Variants in DHX30 observed in about 807,000 individuals in gnomAD.
DHX30 encodes DExH-box helicase 30.
A neutral mutation model predicts 116.9 loss-of-function variants in DHX30; 4 were observed. The ratio of observed to expected loss-of-function variants is 0.03; its 90% CI spans 0.02 to 0.08. DHX30 has a LOEUF of 0.08. DHX30 is among the 10% of genes least tolerant of loss of function. The pLI is 1.00. For missense variants in DHX30, 871 were observed against 1,595.1 expected (o/e 0.55, Z 7.73); for synonymous variants, 697 against 651.7 (o/e 1.07, Z -1.06).
Position 47,848,792 on chromosome 3 carries a change from T to C in DHX30, c.2744T>C (p.Leu915Pro). 6.2e-7 allele frequency: 1 copy of C among 1,613,724 alleles called. No homozygotes were observed. The highest frequency in any genetic ancestry group is 8.5e-7 in the Non-Finnish European group (1 of 1,179,650). The stretch of plus-strand genomic sequence containing the variant: ...ACCCGGGACCCCTTCAGCAGCAGCC[T>C]ACAGAACCGGGCAGAGGTGGACAAG... ...CLTRDPFSSS[L>P]QNRAEVDKVK... Residue 915 changes from leucine to proline, a missense_variant, in exon 17 of 22, where the codon CTA becomes CCA. Leu to Pro is a moderately conservative substitution (Grantham distance 98, BLOSUM62 -3). Coordinates refer to ENST00000445061, the MANE Select transcript of DHX30 (RefSeq NM_138615.3). This position sits in a 1 kb window ranked among gnomAD's most constrained non-coding sequence, Gnocchi z 9.4.
At chr3:47,825,625 A>G (rs1330986073) in intron 4 of DHX30, among the ~76,000 whole-genome samples, 1 of 152,212 alleles carries the variant, frequency 6.6e-6, no homozygotes, top group East Asian at 1.9e-4. Flanking sequence ...GATCTCAAAT[A>G]GAGACAGAAT....
rs2037728880 is a variant in DHX30 at position 47,848,637 on chromosome 3, G to A, written c.2589G>A (p.Gln863=). The change falls in exon 17 of 22, where the codon CAG becomes CAA. Residue 863 remains glutamine (Q), a synonymous_variant. Coordinates refer to ENST00000445061, the MANE Select transcript of DHX30 (RefSeq NM_138615.3). This position sits in a 1 kb window ranked among gnomAD's most constrained non-coding sequence, Gnocchi z 9.4. ...ILLQEIGVLD[Q]REYLTTLGQR... ...GAGCCGTTGCAGGGGTGCTGGACCA[G>A]CGGGAGTACCTGACTACCCTGGGGC... The A allele has an allele frequency of 8.1e-6, 13 of 1,614,090 alleles. No individual in the cohort carries two copies. Among genetic ancestry groups the A allele is most frequent in the Non-Finnish European group, 1.1e-5 (13 of 1,179,978 alleles).
At chr3:47,839,828 A>G (rs2037287251) in intron 6 of DHX30, among the ~76,000 whole-genome samples, 1 of 151,486 alleles carries the variant, frequency 6.6e-6, no homozygotes, top group Non-Finnish European at 1.5e-5. Context: ...GGTGCCCACC[A>G]CCACGCCCGG....
Position 47,805,053 on chromosome 3 carries a change from T to C in DHX30, c.-122-273T>C, listed in dbSNP as rs2035455514. On this transcript the variant is annotated intron_variant, in intron 1 of 21. Coordinates refer to ENST00000445061, the MANE Select transcript of DHX30 (RefSeq NM_138615.3). ...TGCTCTGGGCTTCCAGAAAATGCTT[T>C]TCAGGCTTACAAGGCTTTCTTTACC... Among the ~76,000 whole-genome samples, 3 of 152,360 alleles carry C rather than the reference T, an allele frequency of 2.0e-5. No individual in the cohort carries two copies. In the South Asian group the frequency reaches 6.2e-4, roughly 32 times the overall value.
At chr3:47,810,860 A>G (rs1249722613) in intron 3 of DHX30, 149 bp downstream of exon 3, 16 of 804,394 alleles carry the variant, frequency 2.0e-5, no homozygotes, top group East Asian at 1.8e-4. Context: ...TTCCTTTTGC[A>G]TGGTGCTTAG....
intron 4 of DHX30, among the ~76,000 whole-genome samples, chr3:47,823,357 G>GT (rs556494505): frequency 0.022 from 2,850 of 127,972 alleles, 48 homozygotes; most frequent in African/African-American, 0.044. Flanking sequence ...CCTGGTTGTT[G>GT]TTTTTTTTTT....
chr3:47,847,549 G>T lies in DHX30; in HGVS notation c.2110+13G>T. On this transcript the variant is annotated intron_variant, in intron 13 of 21. Transcript: ENST00000445061. The surrounding 1 kb of genome is among the most constrained non-coding windows in gnomAD (Gnocchi z 5.5). ...CTCATCCTGCCAGGTGAGAGCCCCG[G>T]CGGAGGGACCAGGGACCTTTGGAAA... 12 of 1,585,186 alleles carry T rather than the reference G, an allele frequency of 7.6e-6. No individual in the cohort carries two copies. Among genetic ancestry groups the T allele is most frequent in the Non-Finnish European group, 8.6e-6 (10 of 1,165,198 alleles).
At chr3:47,827,641 A>T (rs2036606221) in intron 5 of DHX30, among the ~76,000 whole-genome samples, 164 bp downstream of exon 5, 2 of 152,158 alleles carry the variant, frequency 1.3e-5, no homozygotes, top group African/African-American at 4.8e-5. Flanking sequence ...GAAGAGCCAG[A>T]ATACACGTGC....
At chr3:47,839,433 T>C (rs778506843) in intron 6 of DHX30, among the ~76,000 whole-genome samples, 10 of 151,412 alleles carry the variant, frequency 6.6e-5, no homozygotes, top group Non-Finnish European at 7.4e-5. Flanking sequence ...TAGCTGGAAT[T>C]ACAGGCATGC....
In DHX30 at chr3:47,847,137, T is replaced by G; in HGVS notation, c.1929+136T>G. ...GGTTTCCTTGATAGAAACTGGGGACTAACCCTGCCTGCGTGGCACACGTGA... is the reference window on the plus strand; with the variant it reads ...GGTTTCCTTGATAGAAACTGGGGACGAACCCTGCCTGCGTGGCACACGTGA... On this transcript the variant is annotated intron_variant, in intron 11 of 21. Coordinates refer to ENST00000445061, the MANE Select transcript of DHX30 (RefSeq NM_138615.3). This position sits in a 1 kb window ranked among gnomAD's most constrained non-coding sequence, Gnocchi z 5.5. 1.4e-6 allele frequency: 2 copies of G among 1,471,900 alleles called. No individual in the cohort carries two copies. Among genetic ancestry groups the G allele is most frequent in the Non-Finnish European group, 1.9e-6 (2 of 1,066,172 alleles). The allele number at this position is 1,471,900 out of a possible 1,614,324, so 91.2% of individuals were successfully genotyped here.
rs2036411629 is a variant in DHX30, at chr3:47,823,900, C to T, written c.125-3447C>T. Among the ~76,000 whole-genome samples, 4 of 152,080 alleles carry T rather than the reference C, an allele frequency of 2.6e-5. No individual in the cohort carries two copies. The South Asian group carries it at 8.3e-4, about 31-fold the overall frequency. ...AAAAGAGTGCTATCCTGAGGGCTTC[C>T]TCAAGTGCCACAAAGGGCTTGGGTC... On this transcript the variant is annotated intron_variant, in intron 4 of 21. Coordinates refer to ENST00000445061, the MANE Select transcript of DHX30 (RefSeq NM_138615.3).
At chr3:47,828,947 T>A in intron 5 of DHX30, 77 bp from the exon 6 acceptor site, 1 of 848,724 alleles carries the variant, frequency 1.2e-6, no homozygotes, top group East Asian at 2.6e-5. Context: ...GGTCCACCAC[T>A]GTTTATTTTC....
At chr3:47,807,703 CAAAAAAAAAA>C (rs1202083372) in intron 2 of DHX30, among the ~76,000 whole-genome samples, 2 of 32,732 alleles carry the variant, frequency 6.1e-5, no homozygotes, top group Admixed American at 6.7e-4. Flanking sequence ...GACTCTGTCT[CAAAAAAAAAA>C]AAAAAAAAAA....
In DHX30 at chr3:47,849,188, C is replaced by T. The variant is rs537095382; in HGVS notation, c.2930-4C>T. 2.0e-3 allele frequency: 3,148 copies of T among 1,613,860 alleles called. 71 individuals are homozygous for T. The South Asian group carries it at 0.033, about 17-fold the overall frequency. ...TAGGTCCACCACACATTCTGTCTCC[C>T]TAGGACTCATCAAGCAGTTCTCAGA... is the stretch of plus-strand genomic sequence containing the variant. On this transcript the variant is annotated splice_region_variant and splice_polypyrimidine_tract_variant and intron_variant, in intron 18 of 21. Coordinates refer to ENST00000445061, the MANE Select transcript of DHX30 (RefSeq NM_138615.3).
chr3:47,812,151 C>T (rs1396047880), intron 3 of DHX30, among the ~76,000 whole-genome samples: 1 of 149,640 alleles, frequency 6.7e-6, no homozygotes, highest in Admixed American at 6.7e-5. Flanking sequence ...ATCGCTTGAA[C>T]CTGGGAGACG....
intron 9 of DHX30, among the ~76,000 whole-genome samples, chr3:47,843,537 A>C (rs1282741133): frequency 1.3e-5 from 2 of 152,210 alleles, no homozygotes; most frequent in African/African-American, 2.4e-5. Flanking sequence ...TGTTCTGAAT[A>C]GTATAAAGCC....
At position 47,849,995 on chromosome 3, in the gene DHX30, C is replaced by T. The variant is rs771382815; in HGVS notation, c.3460C>T (p.Arg1154Cys). Residue 1154 changes from arginine to cysteine, a missense_variant, in exon 22 of 22, where the codon CGC becomes TGC. By Grantham distance (180) the Arg-to-Cys change is radical. Coordinates refer to ENST00000445061, the MANE Select transcript of DHX30 (RefSeq NM_138615.3). ...ALGRMVERSL[R>C]SELAALPPSV... ...GGGCCGCATGGTGGAGCGGAGCCTG[C>T]GCAGCGAGCTGGCTGCACTTCCCCC... 1.6e-5 allele frequency: 25 copies of T among 1,611,836 alleles called. No homozygotes were observed. The South Asian group carries it at 2.3e-4, about 15-fold the overall frequency.
At chr3:47,845,125 G>C (rs1410522696) in intron 9 of DHX30, among the ~76,000 whole-genome samples, 2 of 152,110 alleles carry the variant, frequency 1.3e-5, no homozygotes, top group Non-Finnish European at 2.9e-5. Flanking sequence ...TCTCCTCAGG[G>C]CCTTCTCCAG....
At chr3:47,829,158 A>T in intron 6 of DHX30, 24 bp downstream of exon 6, 1 of 1,342,920 alleles carries the variant, frequency 7.4e-7, no homozygotes, top group Non-Finnish European at 1.0e-6. Flanking sequence ...AGTGAAAGCC[A>T]CTGAGACCTT....
Sources: allele counts gnomAD v4.1 joint callset (sites outside exome capture counted in the v4.1 genomes callset), GRCh38; gene constraint gnomAD v4.1.1; non-coding constraint Gnocchi (gnomAD v3.1); transcripts MANE v1.5; gene names NCBI Gene and HGNC (gene_info 2026-07-23, HGNC 2026-07-21).